The following ELF5 variants were observed in gnomAD, a reference collection of about 807,000 sequenced individuals.
ELF5 encodes ETS-related transcription factor Elf-5.
Under a neutral mutation model 38.2 loss-of-function variants are expected in ELF5, and 31 were observed. That is an observed-to-expected ratio of 0.81 (90% CI 0.61 to 1.10). ELF5 has a LOEUF of 1.10. Ranked by LOEUF, ELF5 falls within the 50% of genes least tolerant of loss-of-function variation. The pLI, the probability that ELF5 is intolerant of heterozygous loss-of-function variation, is 0.00. For missense variants in ELF5, 300 were observed against 306.6 expected (o/e 0.98, Z 0.16); for synonymous variants, 121 against 112.5 (o/e 1.08, Z -0.48).
At chr11:34,511,504 G>A (rs1300014074) in intron 1 of ELF5, 1 of 1,614,052 alleles carries the variant, frequency 6.2e-7, no homozygotes, top group Non-Finnish European at 8.5e-7. Flanking sequence ...GTGGAATCAG[G>A]TGGGCTCACT....
chr11:34,480,627 C>T (rs886137447), intron 6 of ELF5, 145 bp downstream of exon 6: 2 of 847,262 alleles, frequency 2.4e-6, no homozygotes, highest in African/African-American at 3.4e-5. Context: ...AACCATAATC[C>T]TACCTGTAAC....
At chr11:34,485,452 T>C (rs553274512) in intron 4 of ELF5, among the ~76,000 whole-genome samples, 1 of 152,340 alleles carries the variant, frequency 6.6e-6, no homozygotes, top group South Asian at 2.1e-4. Flanking sequence ...AATGGAGTCA[T>C]AAACAAAGGT....
In ELF5 at chr11:34,480,762, A is replaced by G. The variant is rs751236272; in HGVS notation, c.671+10T>C. Reference sequence around the variant, plus strand: ...TTGAAGGCTCATAGTATTTTATGCTATTAACTTACCTCAGGGCTCTGCTCA... The same window carrying G: ...TTGAAGGCTCATAGTATTTTATGCTGTTAACTTACCTCAGGGCTCTGCTCA... On this transcript the variant is annotated intron_variant, in intron 6 of 6. Transcript: ENST00000257832. The G allele has an allele frequency of 4.3e-6, 7 of 1,613,102 alleles. No individual in the cohort carries two copies. Among genetic ancestry groups the G allele is most frequent in the Non-Finnish European group, 2.5e-6 (3 of 1,179,684 alleles).
chr11:34,494,325 A>G (rs1442380993), intron 2 of ELF5, among the ~76,000 whole-genome samples: 1 of 152,236 alleles, frequency 6.6e-6, no homozygotes, highest in African/African-American at 2.4e-5. Flanking sequence ...CAGCTGCCCA[A>G]TGCTGGCTAT....
chr11:34,501,420 G>C (rs1394284956), intron 2 of ELF5, among the ~76,000 whole-genome samples: 1 of 152,182 alleles, frequency 6.6e-6, no homozygotes, highest in African/African-American at 2.4e-5. Context: ...TGTCAGGGGA[G>C]GGGTGTTGGT....
Position 34,493,480 on chromosome 11 carries a change from T to C in ELF5, c.354A>G (p.Gln118=). 2 of 1,613,192 alleles carry C rather than the reference T, an allele frequency of 1.2e-6. No homozygotes were observed. The highest frequency in any genetic ancestry group is 2.7e-5 in the African/African-American group (2 of 75,028). The part of the protein sequence containing the change: ...LYFILQNIRT[Q]GYSFFNDAEE... The stretch of plus-strand genomic sequence containing the variant: ...AGGTCTGGCCCTCTGAACACTGACC[T>C]TGTGTGCGGATGTTCTGGAGGATGA... Residue 118 remains glutamine, a splice_region_variant and synonymous_variant, in exon 3 of 7, where the codon CAA becomes CAG. Transcript: ENST00000257832.
Position 34,505,684 on chromosome 11 carries a change from C to T in ELF5, c.66G>A (p.Ser22=), listed in dbSNP as rs368376316. 16 of 1,613,906 alleles carry T rather than the reference C, an allele frequency of 9.9e-6. No individual in the cohort carries two copies. Among genetic ancestry groups the T allele is most frequent in the South Asian group, 7.7e-5 (7 of 91,056 alleles). ...PNASFCDPLM[S]WTDLFSNEEY... is the part of the protein sequence containing the mutation. ...CTTCATTGCTGAACAGATCAGTCCA[C>T]GACATCAGGGGATCGCAGAAGGATG... Residue 22 remains serine (S), a synonymous_variant, in exon 2 of 7, where the codon TCG becomes TCA. Transcript: ENST00000257832.
rs1856905004 is a variant in ELF5, at chr11:34,480,309, T to C, written c.677A>G (p.Tyr226Cys). The part of the protein sequence containing the change: ...YEKLSRALRY[Y>C]YKTGILERVD... Reference sequence around the variant, plus strand: ...CCGCTCCAAAATTCCTGTTTTATAGTAGTATCTGAAAAAGCAAGCAGAAGA... The same window carrying C: ...CCGCTCCAAAATTCCTGTTTTATAGCAGTATCTGAAAAAGCAAGCAGAAGA... Residue 226 changes from tyrosine (Y) to cysteine (C), a missense_variant, in exon 7 of 7, where the codon TAC becomes TGC. Coordinates refer to ENST00000257832, the MANE Select transcript of ELF5 (RefSeq NM_001422.4). 3 of 1,613,654 alleles carry C rather than the reference T, an allele frequency of 1.9e-6. No homozygotes were observed. Among genetic ancestry groups the C allele is most frequent in the Non-Finnish European group, 2.5e-6 (3 of 1,179,818 alleles).
intron 4 of ELF5, among the ~76,000 whole-genome samples, chr11:34,484,481 A>AACTAT (rs67918732): frequency 0.29 from 33,035 of 115,302 alleles, 4,956 homozygotes; most frequent in Non-Finnish European, 0.39. Context: ...ACACTATACT[A>AACTAT]ACTATACTAT....
chr11:34,502,820 G>A (rs968206338), intron 2 of ELF5, among the ~76,000 whole-genome samples: 2 of 152,162 alleles, frequency 1.3e-5, no homozygotes, highest in Non-Finnish European at 2.9e-5. Flanking sequence ...CTGTGTCTTC[G>A]ATATTGCCTG....
At chr11:34,506,189 C>T (rs572253694) in intron 1 of ELF5, among the ~76,000 whole-genome samples, 1 of 152,304 alleles carries the variant, frequency 6.6e-6, no homozygotes, top group Admixed American at 6.5e-5. Flanking sequence ...TGTGCAGTAA[C>T]ACAGATGCAG....
Position 34,493,700 on chromosome 11 carries a change from T to C in ELF5, c.134A>G (p.Tyr45Cys), listed in dbSNP as rs1564979625. 2 of 1,613,934 alleles carry C rather than the reference T, an allele frequency of 1.2e-6. No individual in the cohort carries two copies. The highest frequency in any genetic ancestry group is 1.7e-6 in the Non-Finnish European group (2 of 1,179,840). ...AFEHQTACDS[Y>C]WTSVHPEYWT... ...GTATTCAGGGTGGACTGATGTCCAG[T>C]ATGAGTCACAGGCTGCACCAAAGGA... is the stretch of plus-strand genomic sequence containing the variant. Residue 45 changes from tyrosine to cysteine, a missense_variant, in exon 3 of 7, where the codon TAC (tyrosine) becomes TGC (cysteine). By Grantham distance (194) the Tyr-to-Cys change is radical. Transcript: ENST00000257832.
At chr11:34,498,006 G>C (rs1227720269) in intron 2 of ELF5, among the ~76,000 whole-genome samples, 1 of 152,196 alleles carries the variant, frequency 6.6e-6, no homozygotes, top group African/African-American at 2.4e-5. Context: ...TACTGGGAGT[G>C]GAGGTGAAGG....
rs189568125 is a variant in ELF5, at chr11:34,480,862, C to T, written c.581G>A (p.Arg194Gln). 570 of 1,614,052 alleles carry T rather than the reference C, an allele frequency of 3.5e-4. No individual in the cohort carries two copies. Among genetic ancestry groups the T allele is most frequent in the African/African-American group, 1.1e-4 (8 of 74,998 alleles). ...EWEDREQGIF[R>Q]VVKSEALAKM... ...TGCCAGGGCTTCCGATTTAACCACC[C>T]GAAAAATTCCTTGTTCCCTATCTTC... The change falls in exon 6 of 7, where the codon CGG becomes CAG. Residue 194 changes from arginine to glutamine, a missense_variant. By Grantham distance (43) the Arg-to-Gln change is conservative. Transcript: ENST00000257832.
chr11:34,510,461 C>A (rs757679129), intron 1 of ELF5, among the ~76,000 whole-genome samples: 5 of 152,090 alleles, frequency 3.3e-5, no homozygotes, highest in Non-Finnish European at 7.3e-5. Flanking sequence ...CTTCTCTAGG[C>A]CCTCTAAGGT....
At chr11:34,509,327 CG>C (rs1296362043) in intron 1 of ELF5, among the ~76,000 whole-genome samples, 9 of 150,494 alleles carry the variant, frequency 6.0e-5, no homozygotes, top group South Asian at 4.2e-4. Flanking sequence ...GACTCTGTCT[CG>C]AAAACAACAA....
chr11:34,488,571 C>T (rs1850071651), intron 4 of ELF5, among the ~76,000 whole-genome samples: 1 of 152,212 alleles, frequency 6.6e-6, no homozygotes, highest in African/African-American at 2.4e-5. Context: ...CATCCTCATC[C>T]TTATCCTCAT....
intron 3 of ELF5, chr11:34,493,073 T>C (rs1450846560): frequency 1.7e-5 from 5 of 289,794 alleles, no homozygotes; most frequent in South Asian, 6.8e-5. Flanking sequence ...TGATAATTAG[T>C]TGGACTCCTG....
intron 4 of ELF5, 77 bp from the exon 5 acceptor site, chr11:34,482,576 A>G: frequency 8.4e-7 from 1 of 1,188,590 alleles, no homozygotes; most frequent in East Asian, 2.4e-5. Flanking sequence ...CCAAATGAGC[A>G]AATACTAATT....
Sources: allele counts gnomAD v4.1 joint callset (sites outside exome capture counted in the v4.1 genomes callset), GRCh38; gene constraint gnomAD v4.1.1; transcripts MANE v1.5; gene names NCBI Gene and HGNC (gene_info 2026-07-23, HGNC 2026-07-21).